Variants in SERINC5 observed in about 807,000 individuals in gnomAD.
SERINC5 encodes the protein chromosome 5 open reading frame 12.
In SERINC5, 41 loss-of-function variants were observed where a neutral mutation model predicts 63.1. The observed-to-expected ratio is 0.65, with a 90% confidence interval of 0.51 to 0.84. SERINC5 has a LOEUF of 0.84. Among genes scored for constraint, SERINC5 ranks in the 40% least tolerant of loss-of-function variants. SERINC5 has a pLI of 0.00. For synonymous variants in SERINC5, 222 were observed against 215.2 expected (o/e 1.03, Z -0.28); for missense variants, 523 against 573.0 (o/e 0.91, Z 0.89).
At chr5:80,181,416 T>TTGTGTGTGTGTGTGTG (rs70982028) in intron 2 of SERINC5, among the ~76,000 whole-genome samples, 26 of 145,348 alleles carry the variant, frequency 1.8e-4, no homozygotes, top group African/African-American at 6.6e-4. Flanking sequence ...TCAGCTAATT[T>TTGTGTGTGTGTGTGTG]TGTGTGTGTG....
At chr5:80,210,936 A>G (rs1429068075) in intron 1 of SERINC5, among the ~76,000 whole-genome samples, 1 of 152,208 alleles carries the variant, frequency 6.6e-6, no homozygotes, top group Admixed American at 6.5e-5. Flanking sequence ...AGGATTCTTA[A>G]GGCTGAATGT....
At chr5:80,217,698 A>T (rs1473307936) in intron 1 of SERINC5, among the ~76,000 whole-genome samples, 1 of 152,202 alleles carries the variant, frequency 6.6e-6, no homozygotes, top group African/African-American at 2.4e-5. Flanking sequence ...TACTGGTTCT[A>T]GGAGTTGGTA....
chr5:80,206,129 A>G (rs1306054267), intron 1 of SERINC5, among the ~76,000 whole-genome samples: 2 of 152,172 alleles, frequency 1.3e-5, no homozygotes. Flanking sequence ...AGAAATTACC[A>G]TAAACTGCAG....
chr5:80,124,189 A>G (rs1744652316), intron 11 of SERINC5, among the ~76,000 whole-genome samples: 1 of 152,134 alleles, frequency 6.6e-6, no homozygotes, highest in Non-Finnish European at 1.5e-5. Context: ...TCGATTAATA[A>G]ACTGACAGCT....
At chr5:80,117,477 T>A (rs942749394) in intron 11 of SERINC5, among the ~76,000 whole-genome samples, 1 of 152,018 alleles carries the variant, frequency 6.6e-6, no homozygotes, top group Non-Finnish European at 1.5e-5. Flanking sequence ...ACATACTAAC[T>A]GATAATCACA....
chr5:80,168,676 T>C lies in SERINC5; in HGVS notation c.763+659A>G, dbSNP rs140866109. On this transcript the variant is annotated intron_variant, in intron 6 of 11. Transcript: ENST00000507668. ...TCTCACTGTAAGCCCAAAGACACTA[T>C]ACCCTGGCTTAAGAAACCAAGAGTA... Among the ~76,000 whole-genome samples, 720 of 152,326 alleles carry C rather than the reference T, an allele frequency of 4.7e-3. 5 individuals are homozygous for C. Among genetic ancestry groups the C allele is most frequent in the African/African-American group, 0.016 (683 of 41,558 alleles).
intron 1 of SERINC5, among the ~76,000 whole-genome samples, chr5:80,206,009 C>T (rs932694694): frequency 1.8e-4 from 26 of 148,124 alleles, no homozygotes; most frequent in Middle Eastern, 3.6e-3. Context: ...CAAGACTTCT[C>T]GTTTATAAAG....
chr5:80,182,948 T>C (rs1237733466), intron 2 of SERINC5, among the ~76,000 whole-genome samples: 1 of 152,180 alleles, frequency 6.6e-6, no homozygotes, highest in Admixed American at 6.5e-5. Flanking sequence ...GAAGCCATTT[T>C]TCCCTTCTCT....
chr5:80,165,462 A>G lies in SERINC5; in HGVS notation c.859+921T>C, dbSNP rs76955983. On this transcript the variant is annotated intron_variant, in intron 7 of 11. Coordinates refer to ENST00000507668, the MANE Select transcript of SERINC5 (RefSeq NM_001174072.3). ...TATGCTTATGTGTATGTATGTATAT[A>G]TGTATGTATGTCTGTGTATATTTAC... Among the ~76,000 whole-genome samples, 491 of 152,312 alleles carry G rather than the reference A, an allele frequency of 3.2e-3. 3 individuals are homozygous for G. Among genetic ancestry groups the G allele is most frequent in the African/African-American group, 0.011 (470 of 41,558 alleles).
At chr5:80,236,225 C>A (rs536903841) in intron 1 of SERINC5, among the ~76,000 whole-genome samples, 1 of 152,026 alleles carries the variant, frequency 6.6e-6, no homozygotes, top group Non-Finnish European at 1.5e-5. Flanking sequence ...CTGTTCCAAG[C>A]GCAAAATCCT....
intron 2 of SERINC5, among the ~76,000 whole-genome samples, chr5:80,194,571 T>C (rs115509290): frequency 0.012 from 1,752 of 152,336 alleles, 14 homozygotes; most frequent in Non-Finnish European, 0.018. Flanking sequence ...TGTGGCTACC[T>C]CTGTTTTCTA....
Position 80,174,404 on chromosome 5 carries a change from A to ATAATAATAATAATAATAAT in SERINC5, c.551+549_551+550insATTATTATTATTATTATTA, listed in dbSNP as rs1554064063. On this transcript the variant is annotated intron_variant, in intron 5 of 11. Coordinates refer to ENST00000507668, the MANE Select transcript of SERINC5 (RefSeq NM_001174072.3). The stretch of plus-strand genomic sequence containing the variant: ...AATAATAATAATAATAATAATAATA[A>ATAATAATAATAATAATAAT]AAGAAAAAGAAAACAAAAGGGTACT... Among the ~76,000 whole-genome samples the ATAATAATAATAATAATAAT allele has an allele frequency of 2.3e-4, 34 of 146,024 alleles. 1 individual carries two copies. The highest frequency in any genetic ancestry group is 6.6e-4 in the South Asian group (3 of 4,570).
Position 80,142,903 on chromosome 5 carries a change from G to A in SERINC5, c.*760C>T, listed in dbSNP as rs760621834. 36 of 985,240 alleles carry A rather than the reference G, an allele frequency of 3.7e-5. No individual in the cohort carries two copies. Among genetic ancestry groups the A allele is most frequent in the East Asian group, 1.1e-4 (1 of 8,830 alleles). 61.0% of individuals were successfully genotyped at this position (985,240 alleles called of 1,614,324 possible). A position where few individuals can be genotyped will look rare whatever the true frequency, so the allele number is the denominator to read the frequency against. ...GTGAATAACACCATAAATAAGCGCC[G>A]TACTTATTGCAGTAACTCGGATCAG... On this transcript the variant is annotated 3_prime_UTR_variant, in exon 12 of 12. Transcript: ENST00000507668.
Position 80,141,330 on chromosome 5 carries a change from G to A in SERINC5, c.*2333C>T, listed in dbSNP as rs147815315. 5.2e-4 allele frequency: 515 copies of A among 985,432 alleles called. 7 individuals carry two copies. The African/African-American group carries it at 7.1e-3, about 14-fold the overall frequency. 61.0% of individuals were successfully genotyped at this position (985,432 alleles called of 1,614,324 possible). A position where few individuals can be genotyped will look rare whatever the true frequency, so the allele number is the denominator to read the frequency against. On this transcript the variant is annotated 3_prime_UTR_variant, in exon 12 of 12. Coordinates refer to ENST00000507668, the MANE Select transcript of SERINC5 (RefSeq NM_001174072.3). The stretch of plus-strand genomic sequence containing the variant: ...GGCTGGGCTGGCTCCAGAAGGAAGC[G>A]ACGAGGGCCTTCTACCGGCCACACT...
chr5:80,254,850 G>A (rs1343561092), intron 1 of SERINC5, among the ~76,000 whole-genome samples: 2 of 152,112 alleles, frequency 1.3e-5, no homozygotes, highest in Non-Finnish European at 2.9e-5. Context: ...CTCTAAACAG[G>A]ACAGATTATC....
chr5:80,230,365 T>C (rs36002515), intron 1 of SERINC5, among the ~76,000 whole-genome samples: 79,545 of 149,202 alleles, frequency 0.53, 22,393 homozygotes, highest in African/African-American at 0.73. Context: ...GAGGCTGAGA[T>C]AGGAGAACCA....
intron 1 of SERINC5, chr5:80,203,288 A>T (rs1196028597): frequency 1.7e-5 from 3 of 173,502 alleles, no homozygotes; most frequent in East Asian, 1.7e-4. Flanking sequence ...ATATATTTAT[A>T]TATATTGAGA....
At chr5:80,198,447 A>T in intron 2 of SERINC5, 1 of 871,962 alleles carries the variant, frequency 1.1e-6, no homozygotes, top group Non-Finnish European at 1.4e-6. Flanking sequence ...ACCAAGGCAA[A>T]AACTGGAAAT....
chr5:80,164,780 C>A (rs150384954), intron 7 of SERINC5, among the ~76,000 whole-genome samples: 2 of 152,048 alleles, frequency 1.3e-5, no homozygotes, highest in African/African-American at 2.4e-5. Context: ...AATTTGTAAT[C>A]TTTCTGCTTT....
Sources: allele counts gnomAD v4.1 joint callset (sites outside exome capture counted in the v4.1 genomes callset), GRCh38; gene constraint gnomAD v4.1.1; transcripts MANE v1.5; gene names NCBI Gene and HGNC (gene_info 2026-07-23, HGNC 2026-07-21).